Variants in GPR158 observed in about 807,000 individuals in gnomAD.
GPR158 encodes the protein metabotropic glycine receptor.
A neutral mutation model predicts 78.2 loss-of-function variants in GPR158; 30 were observed. The ratio of observed to expected loss-of-function variants is 0.38; its 90% CI spans 0.29 to 0.52. The LOEUF (loss-of-function observed/expected upper bound fraction) is 0.52. Ranked by LOEUF, GPR158 falls within the 20% of genes least tolerant of loss-of-function variation. The probability of loss-of-function intolerance (pLI) is 0.83; values close to 1 mark genes in which losing one functional copy is unlikely to be tolerated. For synonymous variants in GPR158, 581 were observed against 591.1 expected (o/e 0.98, Z 0.25); for missense variants, 1,463 against 1,523.5 (o/e 0.96, Z 0.66).
intron 1 of GPR158, among the ~76,000 whole-genome samples, chr10:25,201,115 A>G (rs1852922025): frequency 6.6e-6 from 1 of 152,014 alleles, no homozygotes; most frequent in South Asian, 2.1e-4. Flanking sequence ...TTTTAACAAT[A>G]TTGATTCTTC....
intron 5 of GPR158, among the ~76,000 whole-genome samples, chr10:25,510,870 TA>T (rs1281029511): frequency 6.6e-6 from 1 of 152,236 alleles, no homozygotes; most frequent in African/African-American, 2.4e-5. Context: ...CTGTGAATGC[TA>T]TTATTTTGTT....
intron 5 of GPR158, among the ~76,000 whole-genome samples, chr10:25,493,433 A>C (rs994913310): frequency 6.6e-6 from 1 of 152,118 alleles, no homozygotes; most frequent in Admixed American, 6.6e-5. Context: ...TTTCTGAAAG[A>C]GTTCTTTTTT....
chr10:25,367,319 G>T (rs530800075), intron 2 of GPR158, among the ~76,000 whole-genome samples: 2 of 151,028 alleles, frequency 1.3e-5, no homozygotes, highest in Admixed American at 1.3e-4. Context: ...TTTTTCTCTA[G>T]ACTCTATTCT....
At chr10:25,508,972 T>A (rs1836048966) in intron 5 of GPR158, among the ~76,000 whole-genome samples, 1 of 152,186 alleles carries the variant, frequency 6.6e-6, no homozygotes, top group Admixed American at 6.5e-5. Flanking sequence ...CACAAGTAGC[T>A]ACTAGTTGGT....
chr10:25,531,344 C>T lies in GPR158; in HGVS notation c.1405-19632C>T, dbSNP rs77311402. Among the ~76,000 whole-genome samples, 106 of 152,210 alleles carry T rather than the reference C, an allele frequency of 7.0e-4. No homozygotes were observed. The East Asian group carries it at 0.02, about 28-fold the overall frequency. On this transcript the variant is annotated intron_variant, in intron 5 of 10. Transcript: ENST00000376351. ...TAGGTAACAAAAAGTAAAAACCCCG[C>T]GTCCATGCTGGTTTTGATTATTGAT...
Position 25,336,978 on chromosome 10 carries a change from A to G in GPR158, c.1009-58933A>G, listed in dbSNP as rs1303707821. Among the ~76,000 whole-genome samples the G allele has an allele frequency of 2.0e-5, 3 of 151,952 alleles. No homozygotes were observed. The East Asian group carries it at 5.8e-4, about 29-fold the overall frequency. ...ACTCATTGTATATTTTTGTTTTCTT[A>G]TATTCTTCAGAGAATTATGCAAATG... On this transcript the variant is annotated intron_variant, in intron 2 of 10. Transcript: ENST00000376351.
At chr10:25,432,884 T>C (rs1218588339) in intron 4 of GPR158, among the ~76,000 whole-genome samples, 3 of 152,232 alleles carry the variant, frequency 2.0e-5, no homozygotes, top group Non-Finnish European at 4.4e-5. Flanking sequence ...CCTTAAGGAG[T>C]TTCTGTTCCA....
At chr10:25,336,728 C>CT (rs1297235908) in intron 2 of GPR158, among the ~76,000 whole-genome samples, 2 of 152,026 alleles carry the variant, frequency 1.3e-5, no homozygotes, top group Admixed American at 6.6e-5. Context: ...CTTGTGATCA[C>CT]TAAGTCTCAA....
At chr10:25,301,155 T>A (rs1183475951) in intron 2 of GPR158, among the ~76,000 whole-genome samples, 4 of 152,202 alleles carry the variant, frequency 2.6e-5, no homozygotes, top group Admixed American at 1.3e-4. Context: ...TGTCAAAATG[T>A]TTATATATCT....
At chr10:25,268,902 ATCCTTTTG>A (rs1854079158) in intron 2 of GPR158, among the ~76,000 whole-genome samples, 1 of 152,192 alleles carries the variant, frequency 6.6e-6, no homozygotes, top group African/African-American at 2.4e-5. Flanking sequence ...TGTTGCTTAT[ATCCTTTTG>A]TTATTTAGTT....
At chr10:25,273,565 TG>T (rs899027666) in intron 2 of GPR158, among the ~76,000 whole-genome samples, 2 of 152,222 alleles carry the variant, frequency 1.3e-5, no homozygotes, top group Non-Finnish European at 2.9e-5. Flanking sequence ...GCCAGAAGTC[TG>T]GGTAGGCAGT....
chr10:25,351,136 C>G (rs1002771863), intron 2 of GPR158, among the ~76,000 whole-genome samples: 2 of 151,930 alleles, frequency 1.3e-5, no homozygotes, highest in African/African-American at 4.8e-5. Flanking sequence ...GCACCCCCTT[C>G]TCTATAAACA....
chr10:25,297,375 T>C (rs1409569116), intron 2 of GPR158, among the ~76,000 whole-genome samples: 1 of 152,234 alleles, frequency 6.6e-6, no homozygotes, highest in Non-Finnish European at 1.5e-5. Context: ...ATTTTATGAA[T>C]GAATCAATAC....
chr10:25,401,264 T>C (rs765342525), intron 3 of GPR158, among the ~76,000 whole-genome samples: 4 of 152,160 alleles, frequency 2.6e-5, no homozygotes, highest in Admixed American at 1.3e-4. Context: ...CTGGTCTGAC[T>C]TCAACCTTGT....
intron 3 of GPR158, among the ~76,000 whole-genome samples, chr10:25,411,563 A>G (rs1834584596): frequency 1.3e-5 from 2 of 152,046 alleles, no homozygotes; most frequent in Non-Finnish European, 2.9e-5. Flanking sequence ...TCTTATTCCT[A>G]CTTCTGGTTA....
intron 5 of GPR158, among the ~76,000 whole-genome samples, chr10:25,485,117 C>T (rs1383198868): frequency 6.7e-6 from 1 of 149,290 alleles, no homozygotes; most frequent in Non-Finnish European, 1.5e-5. Context: ...TAGCTATAGA[C>T]AGAAAAAAAA....
intron 2 of GPR158, among the ~76,000 whole-genome samples, chr10:25,378,214 G>C (rs552030955): frequency 6.6e-6 from 1 of 152,034 alleles, no homozygotes; most frequent in Non-Finnish European, 1.5e-5. Flanking sequence ...ATTCAATTTT[G>C]CTCTTTCAAT....
intron 2 of GPR158, among the ~76,000 whole-genome samples, chr10:25,312,814 G>C (rs1466003132): frequency 6.6e-6 from 1 of 152,086 alleles, no homozygotes; most frequent in Non-Finnish European, 1.5e-5. Flanking sequence ...TTTTCTTCTA[G>C]TGGTTACAGT....
chr10:25,305,097 T>A (rs560954068), intron 2 of GPR158, among the ~76,000 whole-genome samples: 1 of 152,320 alleles, frequency 6.6e-6, no homozygotes, highest in East Asian at 1.9e-4. Flanking sequence ...ATAATCATCC[T>A]ATAGTTTGTT....
Sources: gnomAD v4.1 joint callset for allele counts (sites outside exome capture counted in the v4.1 genomes callset) on GRCh38, gnomAD v4.1.1 for gene constraint, MANE v1.5 for transcripts, NCBI Gene and HGNC (gene_info 2026-07-23, HGNC 2026-07-21) for gene names.